Variants in CEP192 observed in about 807,000 individuals in gnomAD.
The protein encoded by CEP192 is centrosomal protein of 192 kDa.
Under a neutral mutation model 271.8 loss-of-function variants are expected in CEP192, and 151 were observed. The observed-to-expected ratio is 0.56, with a 90% confidence interval of 0.49 to 0.64. CEP192 has a LOEUF of 0.64. CEP192 is among the 30% of genes least tolerant of loss of function. The pLI, the probability that CEP192 is intolerant of heterozygous loss-of-function variation, is 0.00. For missense variants in CEP192, 2,910 were observed against 3,020.5 expected (o/e 0.96, Z 0.86); for synonymous variants, 995 against 1,076.5 (o/e 0.92, Z 1.48).
At chr18:13,090,389 A>G (rs1170999532) in intron 33 of CEP192, among the ~76,000 whole-genome samples, 1 of 152,250 alleles carries the variant, frequency 6.6e-6, no homozygotes, top group African/African-American at 2.4e-5. Context: ...TATTACATAT[A>G]TATTTACATA....
rs748754763 is a variant in CEP192, at chr18:13,087,008, C to G, written c.5617-9C>G. 3 of 1,587,048 alleles carry G rather than the reference C, an allele frequency of 1.9e-6. No homozygotes were observed. Among genetic ancestry groups the G allele is most frequent in the Non-Finnish European group, 2.6e-6 (3 of 1,161,524 alleles). On this transcript the variant is annotated splice_polypyrimidine_tract_variant and intron_variant, in intron 30 of 44. Coordinates refer to ENST00000506447, the MANE Select transcript of CEP192 (RefSeq NM_032142.4). ...TTAAAATAATTTTGGATATGTATAT[C>G]TTTTTTAGATACCTTTGTCTGGATA...
rs200863899 is a variant in CEP192 at position 13,087,532 on chromosome 18, A to C, written c.5879A>C (p.Asn1960Thr). The change falls in exon 32 of 45, where the codon AAT (asparagine) becomes ACT (threonine). Residue 1960 changes from asparagine (N) to threonine (T), a missense_variant and splice_region_variant. Coordinates refer to ENST00000506447, the MANE Select transcript of CEP192 (RefSeq NM_032142.4). Reference protein sequence around the residue: ...KFVLKERTQENVTLIYNPSDR... With the variant: ...KFVLKERTQETVTLIYNPSDR... ...CTGATTTTTTTTTCTTGGCATCAGA[A>C]TGTTACTTTAATATATAATCCATCA... 7.3e-7 allele frequency: 1 copy of C among 1,373,936 alleles called. No homozygotes were observed. Among genetic ancestry groups the C allele is most frequent in the Non-Finnish European group, 1.0e-6 (1 of 993,166 alleles). The allele number at this position is 1,373,936 out of a possible 1,614,324, so 85.1% of individuals were successfully genotyped here.
intron 3 of CEP192, among the ~76,000 whole-genome samples, chr18:13,002,876 A>G (rs1419079413): frequency 6.6e-6 from 1 of 152,162 alleles, no homozygotes; most frequent in Non-Finnish European, 1.5e-5. Context: ...TTGCCTCTTG[A>G]TAGCCTTTAT....
chr18:13,084,942 A>T lies in CEP192; in HGVS notation c.5617-2075A>T, dbSNP rs1010174817. 4.6e-5 allele frequency among the ~76,000 whole-genome samples: 7 copies of T among 150,942 alleles called. No individual in the cohort carries two copies. In the East Asian group the frequency reaches 1.4e-3, roughly 29 times the overall value. On this transcript the variant is annotated intron_variant, in intron 30 of 44. Transcript: ENST00000506447. Reference sequence around the variant, plus strand: ...GATTCTCCTGCCTCTGAGCCTCCCAAGTAGCTGAGACTACAAGCGCATGCC... The same window carrying T: ...GATTCTCCTGCCTCTGAGCCTCCCATGTAGCTGAGACTACAAGCGCATGCC...
intron 38 of CEP192, among the ~76,000 whole-genome samples, chr18:13,102,834 C>CT (rs1422677863): frequency 1.3e-5 from 2 of 152,188 alleles, no homozygotes; most frequent in African/African-American, 4.8e-5. Context: ...GCCTGTGACT[C>CT]TCATGACTTC....
intron 40 of CEP192, among the ~76,000 whole-genome samples, chr18:13,112,747 C>G (rs1018065053): frequency 2.0e-5 from 3 of 152,184 alleles, no homozygotes; most frequent in Non-Finnish European, 4.4e-5. Context: ...CTCTCAAAAG[C>G]CTTGAGCTCA....
At chr18:13,006,995 C>T (rs1447704254) in intron 3 of CEP192, among the ~76,000 whole-genome samples, 1 of 152,080 alleles carries the variant, frequency 6.6e-6, no homozygotes, top group Non-Finnish European at 1.5e-5. Context: ...CCGGGCTTTC[C>T]GTCCCCACTC....
At chr18:13,017,484 C>A (rs527812337) in intron 7 of CEP192, 148 bp downstream of exon 7, 11 of 533,874 alleles carry the variant, frequency 2.1e-5, no homozygotes, top group Non-Finnish European at 3.4e-5. Context: ...ATAAGAAATG[C>A]CTACCCTTTC....
chr18:13,069,881 C>G (rs746816200), intron 27 of CEP192, 25 bp downstream of exon 27: 1 of 1,367,092 alleles, frequency 7.3e-7, no homozygotes, highest in Non-Finnish European at 1.0e-6. Flanking sequence ...TTATAATGGA[C>G]CGGGCACAGT....
At chr18:13,073,290 A>G (rs1470783419) in intron 30 of CEP192, 105 bp downstream of exon 30, 4 of 1,010,906 alleles carry the variant, frequency 4.0e-6, no homozygotes, top group African/African-American at 3.2e-5. Flanking sequence ...AAGTGAAACT[A>G]TGTAATTATC....
chr18:13,042,426 C>G, intron 15 of CEP192, 92 bp downstream of exon 15: 1 of 1,272,724 alleles, frequency 7.9e-7, no homozygotes, highest in Admixed American at 2.2e-5. Context: ...AAATTTATGC[C>G]GTTTAACATC....
chr18:12,999,524 T>G lies in CEP192; in HGVS notation c.100T>G (p.Ser34Ala), dbSNP rs961189746. 2.6e-6 allele frequency: 4 copies of G among 1,551,130 alleles called. No homozygotes were observed. The highest frequency in any genetic ancestry group is 3.5e-6 in the Non-Finnish European group (4 of 1,146,780). ...SGILENVTLSSNLGLPVAVST... is the reference protein window; with the variant it reads ...SGILENVTLSANLGLPVAVST... ...GATTTTGGAAAATGTCACTCTTTCT[T>G]CAAATCTTGGCTTGCCTGTTGCTGT... The change falls in exon 2 of 45, where the codon TCA becomes GCA. Residue 34 changes from serine (S) to alanine (A), a missense_variant. Transcript: ENST00000506447.
chr18:13,082,340 A>G (rs775139033), intron 30 of CEP192, among the ~76,000 whole-genome samples: 11 of 147,842 alleles, frequency 7.4e-5, no homozygotes, highest in Non-Finnish European at 1.6e-4. Context: ...CGTTGAATTG[A>G]TCTCTTATGA....
intron 1 of CEP192, among the ~76,000 whole-genome samples, chr18:12,996,414 G>C (rs1226378480): frequency 1.3e-5 from 2 of 151,974 alleles, no homozygotes; most frequent in African/African-American, 4.8e-5. Flanking sequence ...TGAGGGGATG[G>C]GAATTAATTG....
At chr18:13,083,200 T>C (rs1188446019) in intron 30 of CEP192, among the ~76,000 whole-genome samples, 1 of 152,254 alleles carries the variant, frequency 6.6e-6, no homozygotes, top group African/African-American at 2.4e-5. Flanking sequence ...TCCTGGATAA[T>C]ATCCTGCAGT....
intron 30 of CEP192, among the ~76,000 whole-genome samples, chr18:13,085,562 A>T (rs2144674596): frequency 6.6e-6 from 1 of 152,160 alleles, no homozygotes; most frequent in South Asian, 2.1e-4. Context: ...ATCTTGAGTT[A>T]ATTTTTGTAT....
At chr18:13,124,531 C>G (rs771451764) in intron 44 of CEP192, 101 bp from the exon 45 acceptor site, 43 of 1,125,988 alleles carry the variant, frequency 3.8e-5, no homozygotes, top group African/African-American at 6.1e-5. Context: ...GTGGCTTGAC[C>G]GAGCTCTTTC....
At chr18:13,031,233 C>T (rs889090293) in intron 11 of CEP192, among the ~76,000 whole-genome samples, 1 of 149,090 alleles carries the variant, frequency 6.7e-6, no homozygotes, top group Non-Finnish European at 1.5e-5. Context: ...TCAAGCCTGG[C>T]CTTATTGTTG....
Position 13,056,441 on chromosome 18 carries a change from A to C in CEP192, c.3851A>C (p.Asn1284Thr). The C allele has an allele frequency of 6.2e-7, 1 of 1,614,226 alleles. No individual in the cohort carries two copies. The highest frequency in any genetic ancestry group is 8.5e-7 in the Non-Finnish European group (1 of 1,180,028). The change falls in exon 19 of 45, where the codon AAT becomes ACT. Residue 1284 changes from asparagine to threonine, a missense_variant. Physicochemically the swap from Asn to Thr is moderately conservative, Grantham distance 65. Transcript: ENST00000506447. ...ACCTTGCCTCAGTGCCATGCTGGCA[A>C]TGCCACAGTCTGTGGCTTCTCAGGA... is the stretch of plus-strand genomic sequence containing the variant. ...STTLPQCHAGNATVCGFSGGL... is the reference protein window; with the variant it reads ...STTLPQCHAGTATVCGFSGGL...
Sources: allele counts gnomAD v4.1 joint callset (sites outside exome capture counted in the v4.1 genomes callset), GRCh38; gene constraint gnomAD v4.1.1; transcripts MANE v1.5; gene names NCBI Gene and HGNC (gene_info 2026-07-23, HGNC 2026-07-21).